Variants in CAPN8 observed in about 807,000 individuals in gnomAD.
The protein encoded by CAPN8 is calpain-8.
In CAPN8, 87 loss-of-function variants were observed where a neutral mutation model predicts 80.9. The observed-to-expected ratio is 1.07, with a 90% CI of 0.90 to 1.28. CAPN8 has a LOEUF of 1.28. Ranked by LOEUF, CAPN8 falls within the 50% of genes most tolerant of loss-of-function variation. The pLI, the probability that CAPN8 is intolerant of heterozygous loss-of-function variation, is 0.00. For synonymous variants in CAPN8, 299 were observed against 273.8 expected (o/e 1.09, Z -0.91); for missense variants, 757 against 702.0 (o/e 1.08, Z -0.89).
At chr1:223,546,227 T>C (rs1283194410) in intron 16 of CAPN8, among the ~76,000 whole-genome samples, 1 of 152,008 alleles carries the variant, frequency 6.6e-6, no homozygotes, top group Non-Finnish European at 1.5e-5. Flanking sequence ...CAATAAACAG[T>C]GCGTATGTTA....
In CAPN8 at chr1:223,630,450, C is replaced by T. The variant is rs1327165586; in HGVS notation, c.308-1670G>A. Reference sequence around the variant, plus strand: ...CTCCTAGTCTCAAGCAATTCTCCCACCTCAGCCTCCTGAGTCACTAGAACT... The same window carrying T: ...CTCCTAGTCTCAAGCAATTCTCCCATCTCAGCCTCCTGAGTCACTAGAACT... On this transcript the variant is annotated intron_variant, in intron 2 of 20. Transcript: ENST00000366872. Among the ~76,000 whole-genome samples the T allele has an allele frequency of 4.6e-5, 7 of 152,090 alleles. No homozygotes were observed. The East Asian group carries it at 7.7e-4, about 17-fold the overall frequency.
At chr1:223,555,083 C>A (rs36156705) in intron 13 of CAPN8, among the ~76,000 whole-genome samples, 71,637 of 152,070 alleles carry the variant, frequency 0.47, 18,133 homozygotes, top group Admixed American at 0.57. Context: ...ATAAAGATAA[C>A]CACTGTAGTA....
In CAPN8 at chr1:223,541,681, T is replaced by C. The variant is rs1283322489; in HGVS notation, c.*155A>G. On this transcript the variant is annotated 3_prime_UTR_variant, in exon 21 of 21. Transcript: ENST00000366872. ...GGCCCACCGGGTCGGCTTACATAGC[T>C]CATAGCTCAGTGCTGCTGAAATAGA... is the stretch of plus-strand genomic sequence containing the variant. 8.2e-7 allele frequency: 1 copy of C among 1,224,030 alleles called. No individual in the cohort carries two copies. The highest frequency in any genetic ancestry group is 1.2e-6 in the Non-Finnish European group (1 of 856,724). The allele number at this position is 1,224,030 out of a possible 1,614,324, so 75.8% of individuals were successfully genotyped here.
At chr1:223,632,170 G>C (rs1379302829) in intron 2 of CAPN8, among the ~76,000 whole-genome samples, 1 of 152,194 alleles carries the variant, frequency 6.6e-6, no homozygotes, top group Non-Finnish European at 1.5e-5. Flanking sequence ...CTGTGGGTTT[G>C]GAGGCTTTTG....
chr1:223,644,109 C>G (rs1027822071), intron 2 of CAPN8: 1 of 306,520 alleles, frequency 3.3e-6, no homozygotes, highest in Non-Finnish European at 6.4e-6. Flanking sequence ...TTGATCATTT[C>G]TAGTTGGAGA....
chr1:223,649,474 G>A (rs1003024617), intron 2 of CAPN8, among the ~76,000 whole-genome samples: 1 of 152,162 alleles, frequency 6.6e-6, no homozygotes, highest in Non-Finnish European at 1.5e-5. Flanking sequence ...CTGCTTCCAG[G>A]ACATCCTTCC....
intron 15 of CAPN8, 196 bp from the exon 16 acceptor site, chr1:223,549,578 C>T (rs1217908388): frequency 2.5e-6 from 2 of 805,456 alleles, no homozygotes; most frequent in Non-Finnish European, 4.2e-6. Flanking sequence ...GGAGATAGAA[C>T]AGACAAGCAC....
At chr1:223,612,134 C>T (rs1217717460) in intron 11 of CAPN8, 112 bp downstream of exon 11, 2 of 907,172 alleles carry the variant, frequency 2.2e-6, no homozygotes, top group Non-Finnish European at 2.9e-6. Flanking sequence ...CATGTGAGAG[C>T]TGTGGAACAA....
At chr1:223,620,526 C>T (rs1657355495) in intron 7 of CAPN8, among the ~76,000 whole-genome samples, 1 of 152,144 alleles carries the variant, frequency 6.6e-6, no homozygotes, top group Admixed American at 6.5e-5. Context: ...ACATTATGCT[C>T]TAATTTTTAC....
Position 223,612,272 on chromosome 1 carries a change from A to T in CAPN8, c.1312-15T>A. 3 of 1,234,236 alleles carry T rather than the reference A, an allele frequency of 2.4e-6. No individual in the cohort carries two copies. Among genetic ancestry groups the T allele is most frequent in the Non-Finnish European group, 3.0e-6 (3 of 988,082 alleles). 76.5% of individuals were successfully genotyped at this position (1,234,236 alleles called of 1,614,324 possible). ...TCCTTGGGAACCTGTGGGGCAGAAG[A>T]AAAGAGCAGGTCACCTGAGAGCTCC... is the stretch of plus-strand genomic sequence containing the variant. On this transcript the variant is annotated splice_polypyrimidine_tract_variant and intron_variant, in intron 10 of 20. Coordinates refer to ENST00000366872, the MANE Select transcript of CAPN8 (RefSeq NM_001143962.2).
chr1:223,610,153 G>T (rs1386397400), intron 11 of CAPN8, among the ~76,000 whole-genome samples: 3 of 152,218 alleles, frequency 2.0e-5, no homozygotes, highest in Non-Finnish European at 4.4e-5. Flanking sequence ...TCATCAAGAT[G>T]CCTGTGACAG....
intron 11 of CAPN8, 43 bp downstream of exon 11, chr1:223,612,203 T>C: frequency 3.2e-6 from 4 of 1,233,870 alleles, no homozygotes; most frequent in Non-Finnish European, 4.0e-6. Flanking sequence ...GCAGCCAAGC[T>C]ATTTCTCACC....
At position 223,654,405 on chromosome 1, in the gene CAPN8, A is replaced by G; in HGVS notation, c.238-6T>C. 1 of 1,551,672 alleles carries G rather than the reference A, an allele frequency of 6.4e-7. No individual in the cohort carries two copies. The highest frequency in any genetic ancestry group is 1.4e-5 in the African/African-American group (1 of 73,180). On this transcript the variant is annotated splice_region_variant and splice_polypyrimidine_tract_variant and intron_variant, in intron 1 of 20. Coordinates refer to ENST00000366872, the MANE Select transcript of CAPN8 (RefSeq NM_001143962.2). ...TGAGGGCTGGGACACAACTCCTGAA[A>G]GTAATTTGGAACAAAACACAAGTCA...
intron 2 of CAPN8, among the ~76,000 whole-genome samples, chr1:223,652,481 G>A (rs1658368747): frequency 6.6e-6 from 1 of 152,162 alleles, no homozygotes; most frequent in African/African-American, 2.4e-5. Context: ...AACAAGTGCT[G>A]TGTGCTGCTC....
At chr1:223,644,127 T>C in intron 2 of CAPN8, 1 of 330,942 alleles carries the variant, frequency 3.0e-6, no homozygotes. Context: ...AGACACTATG[T>C]ACCCGAGTAA....
intron 15 of CAPN8, among the ~76,000 whole-genome samples, chr1:223,549,846 T>G (rs887442647): frequency 6.6e-6 from 1 of 152,218 alleles, no homozygotes; most frequent in African/African-American, 2.4e-5. Flanking sequence ...TTATAAGCAC[T>G]GCACATCTAC....
At chr1:223,610,275 T>A (rs1656998677) in intron 11 of CAPN8, among the ~76,000 whole-genome samples, 1 of 152,100 alleles carries the variant, frequency 6.6e-6, no homozygotes, top group Admixed American at 6.5e-5. Flanking sequence ...CCTCTTTGGA[T>A]TACAGATCTG....
chr1:223,546,622 G>T (rs981352535), intron 16 of CAPN8, among the ~76,000 whole-genome samples: 1 of 152,134 alleles, frequency 6.6e-6, no homozygotes, highest in Non-Finnish European at 1.5e-5. Context: ...CTACATACTT[G>T]TATCTCATTT....
intron 1 of CAPN8, among the ~76,000 whole-genome samples, chr1:223,662,452 C>T (rs985088390): frequency 2.1e-5 from 3 of 142,222 alleles, no homozygotes; most frequent in Non-Finnish European, 4.6e-5. Context: ...CTATCTCAAA[C>T]AAAAAAAAAG....
Sources: gnomAD v4.1 joint callset for allele counts (sites outside exome capture counted in the v4.1 genomes callset) on GRCh38, gnomAD v4.1.1 for gene constraint, MANE v1.5 for transcripts, NCBI Gene and HGNC (gene_info 2026-07-23, HGNC 2026-07-21) for gene names.